The following MSI2 variants were observed in gnomAD, a reference collection of about 807,000 sequenced individuals.
MSI2 encodes RNA-binding protein Musashi homolog 2.
A neutral mutation model predicts 45.6 loss-of-function variants in MSI2; 17 were observed. That is an observed-to-expected ratio of 0.37 (90% CI 0.26 to 0.56). The LOEUF is 0.56. Among genes scored for constraint, MSI2 ranks in the 20% least tolerant of loss-of-function variants. The probability of loss-of-function intolerance (pLI) is 0.77; values close to 1 mark genes in which losing one functional copy is unlikely to be tolerated. For synonymous variants in MSI2, 156 were observed against 158.2 expected (o/e 0.99, Z 0.11); for missense variants, 293 against 444.2 (o/e 0.66, Z 3.06).
At chr17:57,305,771 G>T (rs1289010943) in intron 5 of MSI2, among the ~76,000 whole-genome samples, 1 of 152,092 alleles carries the variant, frequency 6.6e-6, no homozygotes. Flanking sequence ...TTCCTTCTCT[G>T]CCATTGAGTT....
chr17:57,425,618 G>T (rs1598255472), intron 6 of MSI2, among the ~76,000 whole-genome samples: 1 of 152,310 alleles, frequency 6.6e-6, no homozygotes, highest in East Asian at 1.9e-4. Context: ...CACTATGATT[G>T]ACTTACGCAA....
At chr17:57,445,216 C>A (rs901483734) in intron 6 of MSI2, among the ~76,000 whole-genome samples, 2 of 152,082 alleles carry the variant, frequency 1.3e-5, no homozygotes, top group African/African-American at 4.8e-5. Context: ...GGAGATGATC[C>A]CAGAAAAGCT....
intron 5 of MSI2, among the ~76,000 whole-genome samples, chr17:57,289,732 A>G (rs1250553241): frequency 6.6e-6 from 1 of 152,216 alleles, no homozygotes; most frequent in East Asian, 1.9e-4. Flanking sequence ...GAGGCCGTGA[A>G]ACACTCAGTG....
intron 6 of MSI2, among the ~76,000 whole-genome samples, chr17:57,430,710 T>C (rs1003668850): frequency 2.6e-5 from 4 of 152,190 alleles, no homozygotes; most frequent in African/African-American, 7.2e-5. Context: ...CACCCACTTT[T>C]CCCTGGCCCA....
chr17:57,263,304 T>G (rs187175940), intron 5 of MSI2, among the ~76,000 whole-genome samples: 1 of 152,240 alleles, frequency 6.6e-6, no homozygotes, highest in Non-Finnish European at 1.5e-5. Flanking sequence ...CTCCCTTTTT[T>G]AAAGATGGAA....
At chr17:57,337,611 G>A (rs1265947507) in intron 5 of MSI2, among the ~76,000 whole-genome samples, 2 of 152,102 alleles carry the variant, frequency 1.3e-5, no homozygotes, top group Non-Finnish European at 2.9e-5. Flanking sequence ...GGCAACAAGC[G>A]CTGCTCTTGG....
At position 57,596,986 on chromosome 17, in the gene MSI2, C is replaced by G. The variant is rs749095571; in HGVS notation, c.537+36C>G. On this transcript the variant is annotated intron_variant, in intron 8 of 13. Coordinates refer to ENST00000284073, the MANE Select transcript of MSI2 (RefSeq NM_138962.4). The surrounding 1 kb of genome is among the most constrained non-coding windows in gnomAD (Gnocchi z 4.6). ...AGGGGTTGCGCTGAAATGGAATGCC[C>G]CCTTTCTCTACGTACACACCCAGTC... 1.9e-5 allele frequency: 28 copies of G among 1,457,040 alleles called. No homozygotes were observed. In the South Asian group the frequency reaches 2.6e-4, roughly 14 times the overall value. 90.3% of individuals were successfully genotyped at this position (1,457,040 alleles called of 1,614,324 possible). A position where few individuals can be genotyped will look rare whatever the true frequency, so the allele number is the denominator to read the frequency against.
At chr17:57,459,825 C>G (rs2085188929) in intron 6 of MSI2, among the ~76,000 whole-genome samples, 1 of 151,992 alleles carries the variant, frequency 6.6e-6, no homozygotes, top group African/African-American at 2.4e-5. Context: ...AAGACTTCAT[C>G]TCTACAAAAA....
Position 57,407,415 on chromosome 17 carries a change from A to G in MSI2, c.405+5944A>G, listed in dbSNP as rs1451517118. On this transcript the variant is annotated intron_variant, in intron 6 of 13. Coordinates refer to ENST00000284073, the MANE Select transcript of MSI2 (RefSeq NM_138962.4). This position sits in a 1 kb window ranked among gnomAD's most constrained non-coding sequence, Gnocchi z 4.1. ...AAATTTAAAAGGCATGAGATCTGTG[A>G]GAAGATAAATAAGCCTGAGAGTGGA... is the stretch of plus-strand genomic sequence containing the variant. 6.6e-6 allele frequency among the ~76,000 whole-genome samples: 1 copy of G among 152,214 alleles called. No homozygotes were observed. Among genetic ancestry groups the G allele is most frequent in the Non-Finnish European group, 1.5e-5 (1 of 68,044 alleles).
chr17:57,575,153 C>CA (rs202205537), intron 7 of MSI2, among the ~76,000 whole-genome samples: 24 of 138,650 alleles, frequency 1.7e-4, no homozygotes, highest in South Asian at 5.2e-4. Context: ...TAACTCCCTC[C>CA]CCCCGCCACC....
intron 6 of MSI2, among the ~76,000 whole-genome samples, chr17:57,435,030 G>A (rs2084666333): frequency 6.6e-6 from 1 of 152,170 alleles, no homozygotes; most frequent in African/African-American, 2.4e-5. Context: ...ATAGCAGAGA[G>A]TTCTCTTTGC....
chr17:57,576,130 TG>T (rs1265429664), intron 7 of MSI2, among the ~76,000 whole-genome samples: 2 of 152,176 alleles, frequency 1.3e-5, no homozygotes, highest in African/African-American at 2.4e-5. Flanking sequence ...TTAAAGCCAT[TG>T]ATTCCTGTAA....
intron 5 of MSI2, among the ~76,000 whole-genome samples, chr17:57,372,064 A>G (rs1425795674): frequency 1.3e-5 from 2 of 151,942 alleles, no homozygotes; most frequent in African/African-American, 4.8e-5. Context: ...AACTTAATTT[A>G]AAAAAAATTA....
chr17:57,559,910 G>T (rs1317158602), intron 7 of MSI2, among the ~76,000 whole-genome samples: 1 of 152,224 alleles, frequency 6.6e-6, no homozygotes, highest in African/African-American at 2.4e-5. Flanking sequence ...GCTCAGACCT[G>T]GGCCGGGCCA....
chr17:57,618,062 C>T (rs1907896427), intron 9 of MSI2: 1 of 134,212 alleles, frequency 7.5e-6, no homozygotes, highest in Non-Finnish European at 1.6e-5. Context: ...CAGAGTGAGA[C>T]TCTGTCTCAA....
chr17:57,493,404 C>T lies in MSI2; in HGVS notation c.406-36272C>T, dbSNP rs192451770. On this transcript the variant is annotated intron_variant, in intron 6 of 13. Coordinates refer to ENST00000284073, the MANE Select transcript of MSI2 (RefSeq NM_138962.4). ...TGAAATTGCTGTCCTCACTTGCCAC[C>T]TCCCCTTCCTTTTATTCTTTGGTTT... Among the ~76,000 whole-genome samples the T allele has an allele frequency of 2.0e-5, 3 of 152,178 alleles. No homozygotes were observed. In the East Asian group the frequency reaches 5.8e-4, roughly 29 times the overall value.
At chr17:57,349,104 A>C (rs76767270) in intron 5 of MSI2, among the ~76,000 whole-genome samples, 4,880 of 152,184 alleles carry the variant, frequency 0.032, 123 homozygotes, top group Non-Finnish European at 0.053. Flanking sequence ...GCCCTCCTCC[A>C]TGGTTCCTGG....
intron 6 of MSI2, among the ~76,000 whole-genome samples, chr17:57,403,945 A>ATG (rs1163117964): frequency 2.0e-5 from 3 of 152,140 alleles, no homozygotes; most frequent in Non-Finnish European, 2.9e-5. Context: ...ACACACACAC[A>ATG]CACACACACA....
At position 57,510,554 on chromosome 17, in the gene MSI2, A is replaced by C. The variant is rs141820772; in HGVS notation, c.406-19122A>C. 5.8e-3 allele frequency among the ~76,000 whole-genome samples: 881 copies of C among 152,036 alleles called. 21 individuals are homozygous for C. Among genetic ancestry groups the C allele is most frequent in the African/African-American group, 0.02 (820 of 41,354 alleles). ...GTGATTCTCCTGCCTCAGCCTCCCAAGTAGCTGGGATTACAGGTGTGTGCC... is the reference window on the plus strand; with the variant it reads ...GTGATTCTCCTGCCTCAGCCTCCCACGTAGCTGGGATTACAGGTGTGTGCC... On this transcript the variant is annotated intron_variant, in intron 6 of 13. Coordinates refer to ENST00000284073, the MANE Select transcript of MSI2 (RefSeq NM_138962.4).
Sources: allele counts gnomAD v4.1 joint callset (sites outside exome capture counted in the v4.1 genomes callset), GRCh38; gene constraint gnomAD v4.1.1; non-coding constraint Gnocchi (gnomAD v3.1); transcripts MANE v1.5; gene names NCBI Gene and HGNC (gene_info 2026-07-23, HGNC 2026-07-21).